Variants in PRPSAP2 observed in about 807,000 individuals in gnomAD.
The protein encoded by PRPSAP2 is phosphoribosyl pyrophosphate synthetase associated protein 2, also known as phosphoribosyl pyrophosphate synthase-associated protein 2.
Under a neutral mutation model 40.6 loss-of-function variants are expected in PRPSAP2, and 24 were observed. The ratio of observed to expected loss-of-function variants is 0.59; its 90% CI spans 0.43 to 0.83. PRPSAP2 has a LOEUF of 0.83. PRPSAP2 is among the 40% of genes least tolerant of loss of function. The pLI, the probability that PRPSAP2 is intolerant of heterozygous loss-of-function variation, is 0.00. For missense variants in PRPSAP2, 292 were observed against 465.6 expected (o/e 0.63, Z 3.43); for synonymous variants, 149 against 164.7 (o/e 0.90, Z 0.73).
At chr17:18,908,481 C>G in intron 8 of PRPSAP2, 1 of 759,646 alleles carries the variant, frequency 1.3e-6, no homozygotes, top group Non-Finnish European at 2.5e-6. Flanking sequence ...GAGTGAGGCA[C>G]CGGCAACGTC....
intron 5 of PRPSAP2, among the ~76,000 whole-genome samples, chr17:18,874,829 C>G (rs566905803): frequency 2.0e-5 from 3 of 152,182 alleles, no homozygotes; most frequent in Non-Finnish European, 4.4e-5. Context: ...AGGGAAGGGG[C>G]GGGCACAGAA....
intron 6 of PRPSAP2, 39 bp from the exon 7 acceptor site, chr17:18,882,529 C>T (rs751827463): frequency 1.5e-6 from 2 of 1,301,074 alleles, no homozygotes; most frequent in African/African-American, 3.0e-5. Flanking sequence ...AAAACAAAAA[C>T]AAAACTATTT....
chr17:18,916,376 AT>A (rs1160254744), intron 9 of PRPSAP2, among the ~76,000 whole-genome samples: 2,446 of 137,550 alleles, frequency 0.018, 11 homozygotes, highest in African/African-American at 0.024. Flanking sequence ...TAGACTTGGT[AT>A]TTTTTTTTTT....
intron 5 of PRPSAP2, among the ~76,000 whole-genome samples, chr17:18,876,462 A>G (rs1992649): frequency 0.078 from 11,863 of 152,290 alleles, 554 homozygotes; most frequent in Middle Eastern, 0.14. Context: ...ACTCACCTGA[A>G]TGTTCTGTGT....
chr17:18,891,758 C>T (rs932509440), intron 8 of PRPSAP2, among the ~76,000 whole-genome samples: 8 of 152,310 alleles, frequency 5.3e-5, no homozygotes, highest in Admixed American at 3.3e-4. Flanking sequence ...TTCTGTCCCT[C>T]GGCAGCCACA....
At chr17:18,917,283 CTT>C (rs796844934) in intron 9 of PRPSAP2, 14 of 151,614 alleles carry the variant, frequency 9.2e-5, no homozygotes, top group African/African-American at 3.4e-4. Context: ...TGATTAAACT[CTT>C]TTGTGAGTCA....
chr17:18,893,175 G>A (rs2039685605), intron 8 of PRPSAP2, among the ~76,000 whole-genome samples: 1 of 133,020 alleles, frequency 7.5e-6, no homozygotes. Context: ...TTTTTTTTGA[G>A]ACGGAGTCTC....
At chr17:18,923,876 A>T in intron 9 of PRPSAP2, 38 bp from the exon 10 acceptor site, 1 of 1,536,288 alleles carries the variant, frequency 6.5e-7, no homozygotes, top group South Asian at 1.2e-5. Flanking sequence ...TTACTTTTTA[A>T]TATAAAAATT....
rs60892883 is a variant in PRPSAP2, at chr17:18,914,249, C to CTTTTTTTTTTTTTTTTTTTTTTTTTT, written c.733+2999_733+3024dup. On this transcript the variant is annotated intron_variant, in intron 9 of 11. Transcript: ENST00000268835. ...GAGTTCTGTCCTGAACATGTTTTTG[C>CTTTTTTTTTTTTTTTTTTTTTTTTTT]TTTTTTTTTTTTTTTTTTTTTTTTT... is the stretch of plus-strand genomic sequence containing the variant. Among the ~76,000 whole-genome samples the CTTTTTTTTTTTTTTTTTTTTTTTTTT allele has an allele frequency of 1.0e-4, 5 of 48,088 alleles. 1 individual carries two copies. Among genetic ancestry groups the CTTTTTTTTTTTTTTTTTTTTTTTTTT allele is most frequent in the Non-Finnish European group, 1.4e-4 (4 of 29,026 alleles). The allele number at this position is 48,088 out of a possible 152,430, so 31.5% of individuals were successfully genotyped here.
At chr17:18,869,997 GC>G (rs1430624654) in intron 4 of PRPSAP2, among the ~76,000 whole-genome samples, 2 of 151,912 alleles carry the variant, frequency 1.3e-5, no homozygotes, top group African/African-American at 4.8e-5. Context: ...ACAGGTGTGT[GC>G]CAGCACGCCC....
At chr17:18,895,682 G>A (rs1200557402) in intron 8 of PRPSAP2, among the ~76,000 whole-genome samples, 1 of 151,942 alleles carries the variant, frequency 6.6e-6, no homozygotes, top group Admixed American at 6.6e-5. Context: ...CTGGAGTGCA[G>A]TGGCATGATC....
At chr17:18,887,821 A>G (rs1365791859) in intron 7 of PRPSAP2, among the ~76,000 whole-genome samples, 1 of 149,436 alleles carries the variant, frequency 6.7e-6, no homozygotes, top group Non-Finnish European at 1.5e-5. Context: ...GTTCTTTTTC[A>G]TAATAACTTG....
intron 4 of PRPSAP2, among the ~76,000 whole-genome samples, chr17:18,870,156 G>A (rs2037755694): frequency 1.3e-5 from 2 of 152,072 alleles, no homozygotes; most frequent in South Asian, 4.1e-4. Context: ...ATATAAAAAA[G>A]TTGAAAGAAT....
chr17:18,923,859 T>A (rs2041829042), intron 9 of PRPSAP2, 55 bp from the exon 10 acceptor site: 1 of 1,457,390 alleles, frequency 6.9e-7, no homozygotes, highest in African/African-American at 1.4e-5. Flanking sequence ...TTCTTTAAAG[T>A]TTTGTTTTAC....
chr17:18,869,838 T>TGTGTGTGTGTGTGTGTGTGTGTG (rs58195806), intron 4 of PRPSAP2, among the ~76,000 whole-genome samples: 30 of 139,630 alleles, frequency 2.1e-4, no homozygotes, highest in African/African-American at 6.9e-4. Context: ...TTGCTACTTT[T>TGTGTGTGTGTGTGTGTGTGTGTG]TTTTTGTGTG....
At chr17:18,922,373 G>A (rs1013581547) in intron 9 of PRPSAP2, among the ~76,000 whole-genome samples, 2 of 152,038 alleles carry the variant, frequency 1.3e-5, no homozygotes, top group Non-Finnish European at 2.9e-5. Flanking sequence ...TTTTTTCACA[G>A]CAGCTGCACC....
At chr17:18,881,315 A>G (rs544909873) in intron 6 of PRPSAP2, among the ~76,000 whole-genome samples, 67 of 150,438 alleles carry the variant, frequency 4.5e-4, no homozygotes, top group African/African-American at 1.5e-3. Context: ...GGCTCACTGC[A>G]ACCTCCGCCC....
rs553079327 is a variant in PRPSAP2 at position 18,865,772 on chromosome 17, C to A, written c.-32-30C>A. Reference sequence around the variant, plus strand: ...TTCAGGTATATTTCATATCATATGGCAGTTTTTAATAAGTATTATATCCTT... The same window carrying A: ...TTCAGGTATATTTCATATCATATGGAAGTTTTTAATAAGTATTATATCCTT... On this transcript the variant is annotated intron_variant, in intron 2 of 11. Transcript: ENST00000268835. 12 of 1,292,412 alleles carry A rather than the reference C, an allele frequency of 9.3e-6. No individual in the cohort carries two copies. The African/African-American group carries it at 1.7e-4, about 18-fold the overall frequency. 80.1% of individuals were successfully genotyped at this position (1,292,412 alleles called of 1,614,324 possible).
chr17:18,908,164 C>CA (rs138579708), intron 8 of PRPSAP2: 196,566 of 583,546 alleles, frequency 0.34, 32,010 homozygotes, highest in Non-Finnish European at 0.37. Context: ...ATCTCAACAA[C>CA]AAAAAAAAGC....
Sources: gnomAD v4.1 joint callset for allele counts (sites outside exome capture counted in the v4.1 genomes callset) on GRCh38, gnomAD v4.1.1 for gene constraint, MANE v1.5 for transcripts, NCBI Gene and HGNC (gene_info 2026-07-23, HGNC 2026-07-21) for gene names.